Variants in PALM2AKAP2 observed in about 807,000 individuals in gnomAD.
The protein encoded by PALM2AKAP2 is PALM2 and AKAP2 fusion.
PALM2AKAP2 carries 37 observed loss-of-function variants against 71.5 expected under a neutral mutation model. The ratio of observed to expected loss-of-function variants is 0.52; its 90% CI spans 0.40 to 0.68. PALM2AKAP2 has a LOEUF of 0.68. Ranked by LOEUF, PALM2AKAP2 falls within the 30% of genes least tolerant of loss-of-function variation. The probability of loss-of-function intolerance (pLI) is 0.00; values close to 1 mark genes in which losing one functional copy is unlikely to be tolerated. For synonymous variants in PALM2AKAP2, 468 were observed against 478.8 expected (o/e 0.98, Z 0.29); for missense variants, 1,224 against 1,191.8 (o/e 1.03, Z -0.40).
At chr9:109,927,866 G>A (rs1353452778) in intron 5 of PALM2AKAP2, among the ~76,000 whole-genome samples, 2 of 152,106 alleles carry the variant, frequency 1.3e-5, no homozygotes, top group Admixed American at 1.3e-4. Context: ...TATATATCTG[G>A]TGCTAATTCT....
At chr9:109,964,725 CTT>C (rs1831914781) in intron 6 of PALM2AKAP2, among the ~76,000 whole-genome samples, 1 of 152,172 alleles carries the variant, frequency 6.6e-6, no homozygotes, top group African/African-American at 2.4e-5. Context: ...TTGAGTATAA[CTT>C]TGCTCCTGGA....
intron 2 of PALM2AKAP2, among the ~76,000 whole-genome samples, chr9:109,879,129 G>T (rs952375865): frequency 6.6e-6 from 1 of 152,114 alleles, no homozygotes; most frequent in African/African-American, 2.4e-5. Context: ...TGCATCCTTC[G>T]CTCATAAGAG....
chr9:109,851,213 A>ACAACAAC (rs1564179688), intron 1 of PALM2AKAP2, among the ~76,000 whole-genome samples: 3,525 of 143,008 alleles, frequency 0.025, 70 homozygotes, highest in African/African-American at 0.039. Flanking sequence ...CAACAACAAA[A>ACAACAAC]AAAAAAAAAC....
intron 2 of PALM2AKAP2, among the ~76,000 whole-genome samples, chr9:110,146,817 A>G (rs1254734560): frequency 5.0e-4 from 76 of 152,296 alleles, no homozygotes; most frequent in Non-Finnish European, 1.3e-4. Context: ...GCAGACAATT[A>G]GAGCACCAAA....
chr9:110,139,539 C>G, intron 2 of PALM2AKAP2, among the ~76,000 whole-genome samples: 1 of 152,144 alleles, frequency 6.6e-6, no homozygotes, highest in East Asian at 1.9e-4. Flanking sequence ...TCATAATGGA[C>G]TGGTGGGGAA....
chr9:109,970,102 C>G (rs974191174), intron 6 of PALM2AKAP2, among the ~76,000 whole-genome samples: 1 of 152,146 alleles, frequency 6.6e-6, no homozygotes, highest in African/African-American at 2.4e-5. Flanking sequence ...CTTGAACTCC[C>G]TGAGAACAAT....
intron 1 of PALM2AKAP2, among the ~76,000 whole-genome samples, chr9:110,055,341 G>A (rs905126420): frequency 6.6e-6 from 1 of 151,998 alleles, no homozygotes; most frequent in Non-Finnish European, 1.5e-5. Context: ...GATTACAGGC[G>A]TGTGCCACTG....
chr9:110,057,389 GT>G (rs563181651), intron 1 of PALM2AKAP2, among the ~76,000 whole-genome samples: 49,614 of 128,904 alleles, frequency 0.38, 8,306 homozygotes, highest in Middle Eastern at 0.5. Context: ...TTGTTTTTTT[GT>G]TTTTTTTTTT....
At chr9:109,681,846 G>A (rs1328375503) in intron 1 of PALM2AKAP2, among the ~76,000 whole-genome samples, 1 of 152,092 alleles carries the variant, frequency 6.6e-6, no homozygotes, top group Non-Finnish European at 1.5e-5. Context: ...TATGAATTTT[G>A]ATGTTTTCAG....
chr9:109,919,809 G>C (rs1436050267), intron 3 of PALM2AKAP2, among the ~76,000 whole-genome samples: 2 of 151,688 alleles, frequency 1.3e-5, no homozygotes, highest in South Asian at 2.1e-4. Context: ...ACCTGTACCA[G>C]TTCATTATTA....
At chr9:109,677,642 T>C (rs981652245) in intron 1 of PALM2AKAP2, among the ~76,000 whole-genome samples, 3 of 145,500 alleles carry the variant, frequency 2.1e-5, no homozygotes, top group Non-Finnish European at 3.0e-5. Context: ...CACTCCAGCC[T>C]GGGTAACAGA....
At chr9:110,027,313 T>C (rs939188555) in intron 7 of PALM2AKAP2, among the ~76,000 whole-genome samples, 4 of 152,210 alleles carry the variant, frequency 2.6e-5, no homozygotes, top group African/African-American at 9.6e-5. Context: ...CATCAAGTAA[T>C]CCATGTTAAA....
At position 110,151,316 on chromosome 9, in the gene PALM2AKAP2, G is replaced by C. The variant is rs1270904571; in HGVS notation, c.2570-5003G>C. ...TCCTCTGACCTCAGCCTCCTGAAGT[G>C]CTGGGATTACAGGCATGAGCCTCTG... On this transcript the variant is annotated intron_variant, in intron 2 of 3. Coordinates refer to ENST00000374525, the Ensembl canonical transcript of PALM2AKAP2. Among the ~76,000 whole-genome samples, 4 of 152,160 alleles carry C rather than the reference G, an allele frequency of 2.6e-5. 1 individual carries two copies. In the South Asian group the frequency reaches 6.2e-4, roughly 24 times the overall value.
At chr9:109,660,778 C>A (rs929769259) in intron 1 of PALM2AKAP2, among the ~76,000 whole-genome samples, 1 of 152,194 alleles carries the variant, frequency 6.6e-6, no homozygotes, top group African/African-American at 2.4e-5. Context: ...TTTACACTGC[C>A]ATCAACAGTG....
At chr9:109,982,292 C>G (rs967870858) in intron 6 of PALM2AKAP2, among the ~76,000 whole-genome samples, 1 of 151,972 alleles carries the variant, frequency 6.6e-6, no homozygotes, top group African/African-American at 2.4e-5. Flanking sequence ...GGATGGTTAC[C>G]AGAGGCTCGG....
chr9:109,963,991 C>T (rs1831897993), intron 6 of PALM2AKAP2, among the ~76,000 whole-genome samples: 2 of 152,210 alleles, frequency 1.3e-5, no homozygotes, highest in African/African-American at 4.8e-5. Context: ...TCGCTCTGCA[C>T]CACCAAATCT....
At chr9:109,788,712 G>A (rs1176702954) in intron 1 of PALM2AKAP2, among the ~76,000 whole-genome samples, 1 of 152,220 alleles carries the variant, frequency 6.6e-6, no homozygotes, top group Non-Finnish European at 1.5e-5. Flanking sequence ...ATATTCTGAA[G>A]AGGTGAAATA....
At chr9:109,944,546 T>C (rs760592678) in intron 6 of PALM2AKAP2, 3 of 152,004 alleles carry the variant, frequency 2.0e-5, no homozygotes, top group African/African-American at 4.8e-5. Flanking sequence ...CTTCAACTTG[T>C]AGGTTTATCT....
At chr9:109,844,772 A>C (rs983251366) in intron 1 of PALM2AKAP2, among the ~76,000 whole-genome samples, 1 of 152,084 alleles carries the variant, frequency 6.6e-6, no homozygotes. Flanking sequence ...GTGCTGCTCC[A>C]CTCAAGCCCC....
Sources: gnomAD v4.1 joint callset for allele counts (sites outside exome capture counted in the v4.1 genomes callset) on GRCh38, gnomAD v4.1.1 for gene constraint, MANE v1.5 for transcripts, NCBI Gene and HGNC (gene_info 2026-07-23, HGNC 2026-07-21) for gene names.